The following ACACA variants were observed in gnomAD, a reference collection of about 807,000 sequenced individuals.
ACACA encodes the protein acetyl-CoA carboxylase alpha, also known as acetyl-CoA carboxylase 1.
ACACA carries 103 observed loss-of-function variants against 296.1 expected under a neutral mutation model. That is an observed-to-expected ratio of 0.35 (90% CI 0.30 to 0.41). ACACA has a LOEUF of 0.41. Ranked by LOEUF, ACACA falls within the 10% of genes least tolerant of loss-of-function variation. The probability of loss-of-function intolerance (pLI) is 1.00; values close to 1 mark genes in which losing one functional copy is unlikely to be tolerated. For synonymous variants in ACACA, 953 were observed against 1,038.6 expected (o/e 0.92, Z 1.58); for missense variants, 1,554 against 2,989.7 (o/e 0.52, Z 11.20).
intron 3 of ACACA, among the ~76,000 whole-genome samples, chr17:37,326,392 G>A (rs952003360): frequency 2.6e-5 from 4 of 151,030 alleles, no homozygotes; most frequent in Non-Finnish European, 4.4e-5. Flanking sequence ...TCAGCCTGGC[G>A]TGGTGGCGTA....
chr17:37,291,574 G>A (rs2083070091), intron 3 of ACACA, among the ~76,000 whole-genome samples: 2 of 152,196 alleles, frequency 1.3e-5, no homozygotes, highest in Admixed American at 6.5e-5. Flanking sequence ...GCTACATGCA[G>A]TCCATGGGCA....
At chr17:37,176,623 G>C (rs2077126884) in intron 41 of ACACA, among the ~76,000 whole-genome samples, 1 of 152,062 alleles carries the variant, frequency 6.6e-6, no homozygotes, top group Non-Finnish European at 1.5e-5. Flanking sequence ...AAGTCAACTT[G>C]CCCTGATAAA....
chr17:37,309,511 G>GT (rs1265185417), intron 3 of ACACA, among the ~76,000 whole-genome samples: 3 of 152,110 alleles, frequency 2.0e-5, no homozygotes, highest in Admixed American at 6.6e-5. Flanking sequence ...AAGGAACACT[G>GT]TAACAATAGA....
At chr17:37,216,259 C>G (rs2078995873) in intron 29 of ACACA, among the ~76,000 whole-genome samples, 1 of 151,190 alleles carries the variant, frequency 6.6e-6, no homozygotes, top group Admixed American at 6.6e-5. Context: ...AGAAAAATCT[C>G]TTTAGCTGCT....
intron 16 of ACACA, among the ~76,000 whole-genome samples, chr17:37,251,677 G>A (rs1308966820): frequency 6.6e-6 from 1 of 152,208 alleles, no homozygotes; most frequent in Non-Finnish European, 1.5e-5. Flanking sequence ...CAGTGCTAGG[G>A]AGAAATACCA....
chr17:37,091,342 C>A (rs557434591), intron 54 of ACACA, among the ~76,000 whole-genome samples: 1 of 152,276 alleles, frequency 6.6e-6, no homozygotes, highest in South Asian at 2.1e-4. Flanking sequence ...GCTGTTTACG[C>A]AAAGTACAAC....
intron 2 of ACACA, among the ~76,000 whole-genome samples, chr17:37,337,561 C>T (rs2048183403): frequency 6.6e-6 from 1 of 152,058 alleles, no homozygotes; most frequent in South Asian, 2.1e-4. Context: ...TCAAGCAATC[C>T]TCCAACCTCA....
At chr17:37,276,162 C>A (rs547659594) in intron 7 of ACACA, 113 bp from the exon 8 acceptor site, 48 of 777,824 alleles carry the variant, frequency 6.2e-5, no homozygotes, top group Admixed American at 9.5e-5. Flanking sequence ...CTCCCCCCAC[C>A]CCTCACATAT....
chr17:37,151,711 G>T (rs1489832728), intron 43 of ACACA, among the ~76,000 whole-genome samples: 1 of 152,160 alleles, frequency 6.6e-6, no homozygotes, highest in Admixed American at 6.5e-5. Flanking sequence ...TGGCAGGCTG[G>T]AGTGAAGTGG....
chr17:37,188,550 A>G (rs1197926282), intron 38 of ACACA, 70 bp from the exon 39 acceptor site: 1 of 1,531,972 alleles, frequency 6.5e-7, no homozygotes, highest in Non-Finnish European at 9.0e-7. Flanking sequence ...AGGTCTGCTC[A>G]TATTTGAGAA....
intron 50 of ACACA, among the ~76,000 whole-genome samples, chr17:37,116,478 T>A (rs571682897): frequency 6.6e-6 from 1 of 152,314 alleles, no homozygotes; most frequent in South Asian, 2.1e-4. Context: ...ACTACCAGCC[T>A]GTGTGAGGCT....
intron 1 of ACACA, among the ~76,000 whole-genome samples, chr17:37,361,452 T>TGCCACCACACC (rs1235329077): frequency 7.2e-5 from 11 of 152,134 alleles, no homozygotes; most frequent in Non-Finnish European, 1.5e-4. Flanking sequence ...CATGTCCTGC[T>TGCCACCACACC]TTTGACTTCA....
chr17:37,347,307 A>C (rs886619017), intron 1 of ACACA, among the ~76,000 whole-genome samples: 1 of 152,142 alleles, frequency 6.6e-6, no homozygotes, highest in African/African-American at 2.4e-5. Context: ...ATAGCACAGT[A>C]AGTGCATTAA....
intron 22 of ACACA, among the ~76,000 whole-genome samples, chr17:37,242,943 G>A (rs899186872): frequency 6.6e-6 from 1 of 151,840 alleles, no homozygotes; most frequent in Admixed American, 6.6e-5. Flanking sequence ...GCTGAGGCAG[G>A]AGAATTGCTT....
chr17:37,185,451 T>C (rs1425943950), intron 39 of ACACA, among the ~76,000 whole-genome samples: 2 of 141,088 alleles, frequency 1.4e-5, no homozygotes, highest in East Asian at 4.3e-4. Context: ...GGGTCTTGCC[T>C]TGTTGAGCTG....
At position 37,344,976 on chromosome 17, in the gene ACACA, T is replaced by C. The variant is rs568464197; in HGVS notation, c.39-5126A>G. On this transcript the variant is annotated intron_variant, in intron 1 of 55. Transcript: ENST00000616317. ...CTAGATTGGGGGATACCAGCAACAG[T>C]AAGGGGCAGGGTACAATACTGAAAA... Among the ~76,000 whole-genome samples, 52 of 152,300 alleles carry C rather than the reference T, an allele frequency of 3.4e-4. No individual in the cohort carries two copies. In the South Asian group the frequency reaches 0.011, roughly 32 times the overall value.
chr17:37,371,886 C>A lies in ACACA; in HGVS notation c.39-32036G>T, dbSNP rs537903919. ...CCGTACTCCAGCCTGGGGGACACAG[C>A]GAGACTACGTCTCAAAAAAAAATAA... is the stretch of plus-strand genomic sequence containing the variant. On this transcript the variant is annotated intron_variant, in intron 1 of 55. Coordinates refer to ENST00000616317, the MANE Select transcript of ACACA (RefSeq NM_198834.3). Among the ~76,000 whole-genome samples, 438 of 151,562 alleles carry A rather than the reference C, an allele frequency of 2.9e-3. 3 individuals carry two copies. The highest frequency in any genetic ancestry group is 9.9e-3 in the African/African-American group (409 of 41,302).
intron 54 of ACACA, among the ~76,000 whole-genome samples, chr17:37,091,842 C>T (rs2072657599): frequency 6.6e-6 from 1 of 152,054 alleles, no homozygotes; most frequent in African/African-American, 2.4e-5. Flanking sequence ...TCCCAAAGTG[C>T]TGGGATTATA....
At chr17:37,365,610 A>G (rs1412759384) in intron 1 of ACACA, 3 of 985,434 alleles carry the variant, frequency 3.0e-6, no homozygotes, top group South Asian at 9.4e-5. Flanking sequence ...AAAGAAAAAT[A>G]AGACACAAAG....
Sources: gnomAD v4.1 joint callset for allele counts (sites outside exome capture counted in the v4.1 genomes callset) on GRCh38, gnomAD v4.1.1 for gene constraint, MANE v1.5 for transcripts, NCBI Gene and HGNC (gene_info 2026-07-23, HGNC 2026-07-21) for gene names.